Variants in SPRR2F observed in about 807,000 individuals in gnomAD.
SPRR2F encodes small proline-rich protein 2F.
SPRR2F carries 2 observed loss-of-function variants against 0.8 expected under a neutral mutation model. The observed-to-expected ratio is 2.52, with a 90% confidence interval of 1.03 to 7.95. The LOEUF (loss-of-function observed/expected upper bound fraction) is 7.95, where lower values mean the gene tolerates loss of function less well. Ranked by LOEUF, SPRR2F falls within the 30% of genes most tolerant of loss-of-function variation. SPRR2F has a pLI of 0.04. For missense variants in SPRR2F, 80 were observed against 85.8 expected (o/e 0.93, Z 0.27); for synonymous variants, 39 against 33.4 (o/e 1.17, Z -0.58).
rs1655615006 is a variant in SPRR2F, at chr1:153,112,534, C to T, written c.200G>A (p.Cys67Tyr). The change falls in exon 2 of 2, where the codon TGT becomes TAT. Residue 67 changes from cysteine to tyrosine, a missense_variant. Coordinates refer to ENST00000468739, the MANE Select transcript of SPRR2F (RefSeq NM_001014450.3). The part of the protein sequence containing the change: ...VTPSPPCQPK[C>Y]PPKSK ...AAGCTGTTACTTGCTCTTGGGTGGA[C>T]ACTTTGGCTGGCAGGGTGGGGAAGG... 6.2e-7 allele frequency: 1 copy of T among 1,612,524 alleles called. No individual in the cohort carries two copies. Among genetic ancestry groups the T allele is most frequent in the Non-Finnish European group, 8.5e-7 (1 of 1,179,626 alleles).
At chr1:153,115,449 A>G (rs1465200278), upstream of SPRR2F, among the ~76,000 whole-genome samples, 1 of 152,156 alleles carries the variant, frequency 6.6e-6, no homozygotes, top group African/African-American at 2.4e-5. Flanking sequence ...CCTTCTGAGA[A>G]CACCCCACTC....
chr1:153,114,203 C>T (rs181101425), upstream of SPRR2F, among the ~76,000 whole-genome samples: 5 of 151,860 alleles, frequency 3.3e-5, no homozygotes, highest in East Asian at 3.9e-4. Context: ...CTGGATTTTA[C>T]GATTTTCCTT....
chr1:153,112,931 C>T (rs906023816), intron 1 of SPRR2F, among the ~76,000 whole-genome samples, 179 bp from the exon 2 acceptor site: 2 of 152,184 alleles, frequency 1.3e-5, no homozygotes, highest in African/African-American at 4.8e-5. Flanking sequence ...ACTTCATTGT[C>T]CCTGGGAACT....
the SPRR2F span, among the ~76,000 whole-genome samples, chr1:153,118,658 A>G: frequency 2.0e-5 from 3 of 152,166 alleles, no homozygotes; most frequent in Admixed American, 2.0e-4. Context: ...ACATTCTCTA[A>G]TAATCAAAAC....
intron 1 of SPRR2F, among the ~76,000 whole-genome samples, 192 bp downstream of exon 1, chr1:153,113,282 C>T (rs991027062): frequency 1.3e-5 from 2 of 152,262 alleles, no homozygotes; most frequent in South Asian, 2.1e-4. Flanking sequence ...CTTCTCTGTC[C>T]ATATGAACAC....
At chr1:153,115,156 CAGAAATAAAG>C (rs559875135), upstream of SPRR2F, among the ~76,000 whole-genome samples, 480 of 152,270 alleles carry the variant, frequency 3.2e-3, 7 homozygotes, top group South Asian at 0.026. Flanking sequence ...CAGGACAGTA[CAGAAATAAAG>C]ACATCACGTC....
upstream of SPRR2F, among the ~76,000 whole-genome samples, chr1:153,114,062 C>T (rs375711164): frequency 4.4e-5 from 6 of 137,924 alleles, no homozygotes; most frequent in South Asian, 7.2e-4. Flanking sequence ...CACCTCTCCT[C>T]CCTGTGATTA....
At chr1:153,114,714 A>T (rs1358995940), upstream of SPRR2F, among the ~76,000 whole-genome samples, 2 of 152,142 alleles carry the variant, frequency 1.3e-5, no homozygotes, top group Admixed American at 1.3e-4. Flanking sequence ...ATGACCTGCT[A>T]GATTATCAAG....
chr1:153,112,718 G>A lies in SPRR2F; in HGVS notation c.16C>T (p.Gln6Ter), dbSNP rs1361166494. 2 of 1,611,954 alleles carry A rather than the reference G, an allele frequency of 1.2e-6. No individual in the cohort carries two copies. Among genetic ancestry groups the A allele is most frequent in the Non-Finnish European group, 1.7e-6 (2 of 1,179,850 alleles). Reference sequence around the variant, plus strand: ...GGCTGGCAGGGCTGCTTGCACTGCTGCTGTTGATAAGACATCCTGCTGGAG... The same window carrying A: ...GGCTGGCAGGGCTGCTTGCACTGCTACTGTTGATAAGACATCCTGCTGGAG... MSYQQ[Q>*]QCKQPCQPPP... The change falls in exon 2 of 2, where the codon CAG (glutamine) becomes TAG (stop). Residue 6 changes from glutamine (Q) to a stop codon, truncating the protein, a stop_gained. Coordinates refer to ENST00000468739, the MANE Select transcript of SPRR2F (RefSeq NM_001014450.3). LOFTEE classifies it low-confidence loss of function (END_TRUNC).
Position 153,112,459 on chromosome 1 carries a change from A to G in SPRR2F, c.*56T>C. 1 of 1,568,608 alleles carries G rather than the reference A, an allele frequency of 6.4e-7. No individual in the cohort carries two copies. The highest frequency in any genetic ancestry group is 1.2e-5 in the South Asian group (1 of 81,718). ...TGAGAAGATGCAGGTGGAGCTGTGG[A>G]ACGAGGTGAGCCAATTATCCTTATC... On this transcript the variant is annotated 3_prime_UTR_variant, in exon 2 of 2. Transcript: ENST00000468739.
chr1:153,114,802 T>C (rs1339651875), upstream of SPRR2F, among the ~76,000 whole-genome samples: 2 of 152,222 alleles, frequency 1.3e-5, no homozygotes, highest in Non-Finnish European at 1.5e-5. Flanking sequence ...TCAATGCATA[T>C]AGTGACTCCT....
At chr1:153,112,826 C>T in intron 1 of SPRR2F, 74 bp from the exon 2 acceptor site, 2 of 1,586,282 alleles carry the variant, frequency 1.3e-6, no homozygotes, top group Non-Finnish European at 8.5e-7. Context: ...TATGTAATAC[C>T]ATGGCATATT....
At chr1:153,117,288 A>T (rs1174730428), upstream of SPRR2F, among the ~76,000 whole-genome samples, 1 of 152,068 alleles carries the variant, frequency 6.6e-6, no homozygotes, top group African/African-American at 2.4e-5. Context: ...CAGAAACAAG[A>T]TAATTTAATT....
At chr1:153,118,302 G>A (rs563975915), upstream of SPRR2F, among the ~76,000 whole-genome samples, 19 of 152,110 alleles carry the variant, frequency 1.2e-4, no homozygotes, top group South Asian at 6.2e-4. Flanking sequence ...ACAGAAGGCC[G>A]TCTTAAAGAC....
upstream of SPRR2F, among the ~76,000 whole-genome samples, chr1:153,115,508 C>G (rs1028988675): frequency 3.9e-5 from 6 of 152,160 alleles, no homozygotes; most frequent in African/African-American, 1.4e-4. Flanking sequence ...GGCAGCAGCC[C>G]TAGTGCCCCC....
chr1:153,113,097 G>A (rs2101631427), intron 1 of SPRR2F, among the ~76,000 whole-genome samples: 1 of 152,244 alleles, frequency 6.6e-6, no homozygotes, highest in South Asian at 2.1e-4. Context: ...ATTATCTGTT[G>A]TAAAATCCCA....
upstream of SPRR2F, among the ~76,000 whole-genome samples, chr1:153,114,054 C>T (rs1009440928): frequency 2.2e-5 from 3 of 136,540 alleles, no homozygotes; most frequent in African/African-American, 8.6e-5. Flanking sequence ...AGGCAGGTCA[C>T]CTCTCCTCCC....
upstream of SPRR2F, among the ~76,000 whole-genome samples, chr1:153,115,716 A>C (rs183335019): frequency 4.7e-5 from 7 of 149,664 alleles, no homozygotes; most frequent in Non-Finnish European, 1.0e-4. Flanking sequence ...GTGTGTGTCT[A>C]TCTATCTATC....
At chr1:153,119,006 TTAAG>T in the SPRR2F span, among the ~76,000 whole-genome samples, 1 of 152,304 alleles carries the variant, frequency 6.6e-6, no homozygotes, top group Non-Finnish European at 1.5e-5. Flanking sequence ...GCATTTACAG[TTAAG>T]TTGGTGTTAA....
Sources: allele counts gnomAD v4.1 joint callset (sites outside exome capture counted in the v4.1 genomes callset), GRCh38; gene constraint gnomAD v4.1.1; transcripts MANE v1.5; gene names NCBI Gene and HGNC (gene_info 2026-07-23, HGNC 2026-07-21).